MIB1: variants seen among roughly 807,000 people sequenced by gnomAD.
MIB1 encodes the protein E3 ubiquitin-protein ligase MIB1.
MIB1 carries 278 observed loss-of-function variants against 124.5 expected under a neutral mutation model. The ratio of observed to expected loss-of-function variants is 2.23; its 90% confidence interval spans 2.02 to 2.47. MIB1 has a LOEUF of 2.47. Ranked by LOEUF, MIB1 falls within the 30% of genes most tolerant of loss-of-function variation. MIB1 has a pLI of 0.00. For synonymous variants in MIB1, 446 were observed against 429.4 expected (o/e 1.04, Z -0.48); for missense variants, 957 against 1,254.4 (o/e 0.76, Z 3.58).
Position 21,813,173 on chromosome 18 carries a change from G to A in MIB1, c.1480-2443G>A, listed in dbSNP as rs908810823. ...AACCATACAGTGTTAGTGGCCTGAT[G>A]TTCCCTTTTTTAATGGAAGGTGAAT... On this transcript the variant is annotated intron_variant, in intron 10 of 20. Transcript: ENST00000261537. Among the ~76,000 whole-genome samples the A allele has an allele frequency of 6.7e-5, 10 of 149,700 alleles. No individual in the cohort carries two copies. In the Admixed American group the frequency reaches 6.7e-4, roughly 10 times the overall value.
chr18:21,751,958 G>A (rs921295888), intron 1 of MIB1, among the ~76,000 whole-genome samples: 5 of 152,186 alleles, frequency 3.3e-5, no homozygotes, highest in Non-Finnish European at 7.3e-5. Context: ...ACATTAATAG[G>A]TTTTTGGGAC....
At chr18:21,797,604 A>G (rs990253423) in intron 7 of MIB1, among the ~76,000 whole-genome samples, 1 of 152,166 alleles carries the variant, frequency 6.6e-6, no homozygotes, top group East Asian at 1.9e-4. Flanking sequence ...AGGGAAGGAA[A>G]GGAACTGGCA....
intron 1 of MIB1, among the ~76,000 whole-genome samples, chr18:21,711,639 T>C (rs187265453): frequency 2.0e-5 from 3 of 152,110 alleles, no homozygotes; most frequent in African/African-American, 7.2e-5. Flanking sequence ...ATAAAGCCGA[T>C]GACTTTCCTC....
intron 1 of MIB1, among the ~76,000 whole-genome samples, chr18:21,765,472 ATTCT>A (rs1453113097): frequency 2.0e-5 from 3 of 152,204 alleles, no homozygotes; most frequent in South Asian, 2.1e-4. Context: ...GTGATAAAGG[ATTCT>A]TTCTTTCTCT....
At chr18:21,726,524 CTA>C (rs1482347782) in intron 1 of MIB1, among the ~76,000 whole-genome samples, 2 of 152,180 alleles carry the variant, frequency 1.3e-5, no homozygotes, top group Non-Finnish European at 2.9e-5. Flanking sequence ...TTTGAGATTT[CTA>C]TGTCCCTCAT....
Position 21,866,272 on chromosome 18 carries a change from GT to G in MIB1, c.*1610del, listed in dbSNP as rs1255664129. 6.6e-6 allele frequency: 1 copy of G among 152,134 alleles called. No homozygotes were observed. Among genetic ancestry groups the G allele is most frequent in the African/African-American group, 2.4e-5 (1 of 41,412 alleles). 9.4% of individuals were successfully genotyped at this position (152,134 alleles called of 1,614,324 possible). On this transcript the variant is annotated 3_prime_UTR_variant, in exon 21 of 21. Coordinates refer to ENST00000261537, the MANE Select transcript of MIB1 (RefSeq NM_020774.4). Reference sequence around the variant, plus strand: ...AAGCAATGGGGAGCTTTGCTGGCTGGTTTTGTAGTCTCAACAATTCCATGTC... The same window carrying G: ...AAGCAATGGGGAGCTTTGCTGGCTGGTTTGTAGTCTCAACAATTCCATGTC...
At chr18:21,813,762 T>C (rs1194363975) in intron 10 of MIB1, among the ~76,000 whole-genome samples, 1 of 152,218 alleles carries the variant, frequency 6.6e-6, no homozygotes, top group African/African-American at 2.4e-5. Flanking sequence ...CAGATAATCC[T>C]GGGTGCCATA....
intron 18 of MIB1, among the ~76,000 whole-genome samples, chr18:21,855,608 A>G (rs745327844): frequency 2.0e-5 from 3 of 152,208 alleles, no homozygotes; most frequent in Admixed American, 6.5e-5. Context: ...CGTCAGACCC[A>G]TTTATGTTTA....
At chr18:21,744,159 C>A in intron 1 of MIB1, among the ~76,000 whole-genome samples, 1 of 143,844 alleles carries the variant, frequency 7.0e-6, no homozygotes, top group Non-Finnish European at 1.5e-5. Context: ...TCTTGTTTTG[C>A]CCCAGGACTA....
intron 10 of MIB1, among the ~76,000 whole-genome samples, chr18:21,807,044 A>G (rs1455112690): frequency 2.6e-5 from 4 of 152,242 alleles, no homozygotes; most frequent in Non-Finnish European, 4.4e-5. Context: ...AATTCATTAT[A>G]AGCAGGTGCG....
In MIB1 at chr18:21,740,971, G is replaced by T. The variant is rs1378189407; in HGVS notation, c.-613G>T. ...CCCGGATGTGGAGTCGCTCTCGCCCGGCTGGGACTCTGTGGCGGGGCGGAG... is the reference window on the plus strand; with the variant it reads ...CCCGGATGTGGAGTCGCTCTCGCCCTGCTGGGACTCTGTGGCGGGGCGGAG... On this transcript the variant is annotated 5_prime_UTR_variant, in exon 1 of 21. Coordinates refer to ENST00000261537, the MANE Select transcript of MIB1 (RefSeq NM_020774.4). Among the ~76,000 whole-genome samples the T allele has an allele frequency of 6.6e-6, 1 of 152,198 alleles. No homozygotes were observed. The highest frequency in any genetic ancestry group is 1.5e-5 in the Non-Finnish European group (1 of 68,028).
intron 12 of MIB1, chr18:21,825,782 T>C (rs369186690): frequency 2.3e-5 from 12 of 518,400 alleles, no homozygotes; most frequent in Middle Eastern, 3.5e-4. Flanking sequence ...TAGCAAAGCA[T>C]TGTAGTGCTG....
intron 2 of MIB1, 115 bp downstream of exon 2, chr18:21,766,058 A>G (rs1251103067): frequency 1.0e-6 from 1 of 952,974 alleles, no homozygotes; most frequent in Non-Finnish European, 1.6e-6. Context: ...GTTTACTAAC[A>G]GGAGGTACCC....
intron 12 of MIB1, chr18:21,830,888 A>G (rs374795756): frequency 5.3e-5 from 8 of 152,260 alleles, no homozygotes; most frequent in African/African-American, 1.9e-4. Context: ...AACAAAAACA[A>G]AAACAAAAAC....
intron 13 of MIB1, among the ~76,000 whole-genome samples, chr18:21,841,699 A>C (rs568565500): frequency 6.6e-6 from 1 of 152,246 alleles, no homozygotes; most frequent in Admixed American, 6.5e-5. Context: ...TTATCATGTG[A>C]CTCAGCTATC....
chr18:21,863,368 G>A (rs1324961407), intron 20 of MIB1, among the ~76,000 whole-genome samples: 1 of 152,196 alleles, frequency 6.6e-6, no homozygotes, highest in Non-Finnish European at 1.5e-5. Context: ...TGTGTCCCGA[G>A]CTCTTGTCCA....
intron 15 of MIB1, among the ~76,000 whole-genome samples, 155 bp from the exon 16 acceptor site, chr18:21,846,789 T>A (rs1051894761): frequency 6.6e-6 from 1 of 152,148 alleles, no homozygotes; most frequent in Non-Finnish European, 1.5e-5. Context: ...AGCATACTTG[T>A]GTGTATGCTT....
chr18:21,737,461 C>T (rs1264290493), upstream of MIB1, among the ~76,000 whole-genome samples: 2 of 152,160 alleles, frequency 1.3e-5, no homozygotes, highest in Non-Finnish European at 2.9e-5. Context: ...TATGAAGAAA[C>T]TGCATCAGCT....
At chr18:21,725,568 G>A (rs527472220) in intron 1 of MIB1, among the ~76,000 whole-genome samples, 1 of 152,186 alleles carries the variant, frequency 6.6e-6, no homozygotes, top group Non-Finnish European at 1.5e-5. Flanking sequence ...TCCATAATAG[G>A]AGATAAGTTA....
Sources: allele counts gnomAD v4.1 joint callset (sites outside exome capture counted in the v4.1 genomes callset), GRCh38; gene constraint gnomAD v4.1.1; transcripts MANE v1.5; gene names NCBI Gene and HGNC (gene_info 2026-07-23, HGNC 2026-07-21).